PFKP: variants seen among roughly 807,000 people sequenced by gnomAD.
PFKP encodes phosphofructokinase, platelet, also known as ATP-dependent 6-phosphofructokinase, platelet type.
A neutral mutation model predicts 94.3 loss-of-function variants in PFKP; 101 were observed. That is an observed-to-expected ratio of 1.07 (90% CI 0.91 to 1.26). The LOEUF is 1.26. PFKP is among the 50% of genes most tolerant of loss of function. The probability of loss-of-function intolerance (pLI) is 0.00; values close to 1 mark genes in which losing one functional copy is unlikely to be tolerated. For synonymous variants in PFKP, 573 were observed against 432.6 expected (o/e 1.32, Z -4.03); for missense variants, 1,145 against 1,103.3 (o/e 1.04, Z -0.53).
At chr10:3,090,599 TTCTC>T (rs1319880651) in intron 2 of PFKP, among the ~76,000 whole-genome samples, 5 of 151,958 alleles carry the variant, frequency 3.3e-5, no homozygotes, top group Non-Finnish European at 7.4e-5. Flanking sequence ...CAGGCTGGGC[TTCTC>T]TCTGAGTGTC....
intron 2 of PFKP, among the ~76,000 whole-genome samples, chr10:3,091,984 A>G (rs1400923744): frequency 1.3e-5 from 2 of 152,182 alleles, no homozygotes; most frequent in African/African-American, 2.4e-5. Context: ...AAGGTGTCAG[A>G]TAAGTGATGC....
At chr10:3,109,620 C>T (rs996559330) in intron 10 of PFKP, 140 bp downstream of exon 10, 12 of 1,021,812 alleles carry the variant, frequency 1.2e-5, no homozygotes, top group African/African-American at 1.6e-5. Context: ...GTGAGCTGCC[C>T]GTGGGGAGGG....
intron 16 of PFKP, among the ~76,000 whole-genome samples, chr10:3,120,867 G>T (rs981749731): frequency 6.6e-6 from 1 of 152,032 alleles, no homozygotes; most frequent in Non-Finnish European, 1.5e-5. Context: ...TGTCACGCTT[G>T]GTAATTGATG....
chr10:3,110,497 T>C (rs945344085), intron 10 of PFKP, among the ~76,000 whole-genome samples: 4 of 151,270 alleles, frequency 2.6e-5, no homozygotes. Context: ...ATTACAGGCA[T>C]GAGCCACCAC....
rs1332851038 is a variant in PFKP, at chr10:3,101,395, CAGGCCTTCCGCACGCGGGA to C, written c.301_319del (p.Phe101AlafsTer2). ...GACGATCATTGGCAGTGCGCGGTGC[CAGGCCTTCCGCACGCGGGA>C]AGGCCGCCTGAAGGCTGCTTGCAAC... is the stretch of plus-strand genomic sequence containing the variant. On this transcript the variant is annotated frameshift_variant, in exon 4 of 22. Coordinates refer to ENST00000381125, the MANE Select transcript of PFKP (RefSeq NM_002627.5). LOFTEE classifies it high-confidence loss of function. The C allele has an allele frequency of 6.3e-7, 1 of 1,599,498 alleles. No individual in the cohort carries two copies. Among genetic ancestry groups the C allele is most frequent in the Admixed American group, 1.7e-5 (1 of 58,008 alleles).
rs1018334252 is a variant in PFKP, at chr10:3,116,927, C to T, written c.1442+81C>T. ...GTTCTGGGAGAGAATCGCTGGGTGC[C>T]GACGCCAGTTGGATTCCTGGAAAGG... On this transcript the variant is annotated intron_variant, in intron 14 of 21. Transcript: ENST00000381125. 6.2e-5 allele frequency: 69 copies of T among 1,109,394 alleles called. 1 individual carries two copies. Among genetic ancestry groups the T allele is most frequent in the Admixed American group, 2.0e-4 (12 of 59,170 alleles). 68.7% of individuals were successfully genotyped at this position (1,109,394 alleles called of 1,614,324 possible). A position where few individuals can be genotyped will look rare whatever the true frequency, so the allele number is the denominator to read the frequency against.
chr10:3,102,250 C>A (rs1186275065), intron 4 of PFKP, among the ~76,000 whole-genome samples: 1,214 of 54,748 alleles, frequency 0.022, no homozygotes, highest in Middle Eastern at 0.025. Context: ...GACTCTGTCT[C>A]AAAAAAAAAA....
At chr10:3,081,362 G>T (rs1833062407) in intron 1 of PFKP, among the ~76,000 whole-genome samples, 1 of 152,224 alleles carries the variant, frequency 6.6e-6, no homozygotes, top group Non-Finnish European at 1.5e-5. Flanking sequence ...TTCATTTGTG[G>T]TTTATTGACT....
At chr10:3,074,515 T>C (rs1279721295) in intron 1 of PFKP, among the ~76,000 whole-genome samples, 1 of 152,034 alleles carries the variant, frequency 6.6e-6, no homozygotes, top group South Asian at 2.1e-4. Context: ...GCCACAAGTT[T>C]AGGGTATCAC....
intron 1 of PFKP, chr10:3,069,486 C>G: frequency 8.9e-7 from 1 of 1,123,356 alleles, no homozygotes; most frequent in South Asian, 1.5e-5. Context: ...GTGACCTTAC[C>G]TGGGCCGCGA....
intron 19 of PFKP, among the ~76,000 whole-genome samples, chr10:3,133,912 C>CT (rs1838898439): frequency 6.6e-6 from 1 of 152,126 alleles, no homozygotes; most frequent in African/African-American, 2.4e-5. Flanking sequence ...TGGAGCTTCC[C>CT]TAAGATTTAA....
intron 16 of PFKP, among the ~76,000 whole-genome samples, chr10:3,121,803 C>CATTTTTTTTTTTTTTT (rs1837440344): frequency 3.1e-5 from 1 of 32,624 alleles, no homozygotes; most frequent in Non-Finnish European, 5.9e-5. Context: ...CTTTTTTTTT[C>CATTTTTTTTTTTTTTT]TTTTTTTTTT....
intron 16 of PFKP, 111 bp from the exon 17 acceptor site, chr10:3,129,708 A>G: frequency 8.8e-7 from 1 of 1,136,210 alleles, no homozygotes; most frequent in Non-Finnish European, 1.3e-6. Flanking sequence ...CTGGGACCGC[A>G]TGTTTGGGCG....
At chr10:3,110,668 AT>A in intron 10 of PFKP, among the ~76,000 whole-genome samples, 1 of 152,156 alleles carries the variant, frequency 6.6e-6, no homozygotes, top group Middle Eastern at 3.4e-3. Context: ...AGAAAATAGT[AT>A]TTGTGTGTAT....
At chr10:3,090,250 C>T (rs1639407608) in intron 2 of PFKP, among the ~76,000 whole-genome samples, 1 of 152,186 alleles carries the variant, frequency 6.6e-6, no homozygotes, top group Admixed American at 6.5e-5. Context: ...GCCTGCCTCT[C>T]AGACCTGGGT....
intron 3 of PFKP, among the ~76,000 whole-genome samples, chr10:3,100,086 A>AAGT (rs1564296464): frequency 2.2e-4 from 30 of 139,270 alleles, no homozygotes; most frequent in Admixed American, 4.2e-4. Context: ...TGTGTGTGTG[A>AAGT]AAGAGAGTGA....
At chr10:3,104,626 C>T (rs147705766) in intron 5 of PFKP, 116 of 207,606 alleles carry the variant, frequency 5.6e-4, no homozygotes, top group African/African-American at 2.2e-3. Context: ...GGAAAATCAC[C>T]GAGTTGGAAG....
chr10:3,128,269 C>G (rs1253037153), intron 16 of PFKP, among the ~76,000 whole-genome samples: 1 of 152,180 alleles, frequency 6.6e-6, no homozygotes, highest in African/African-American at 2.4e-5. Context: ...AAGATCCTCC[C>G]AAGTCAAATA....
intron 2 of PFKP, among the ~76,000 whole-genome samples, chr10:3,096,330 T>C (rs536790254): frequency 6.6e-6 from 1 of 152,272 alleles, no homozygotes; most frequent in African/African-American, 2.4e-5. Context: ...GGCATCCTCT[T>C]CAGCAGGGTG....
Sources: gnomAD v4.1 joint callset for allele counts (sites outside exome capture counted in the v4.1 genomes callset) on GRCh38, gnomAD v4.1.1 for gene constraint, MANE v1.5 for transcripts, NCBI Gene and HGNC (gene_info 2026-07-23, HGNC 2026-07-21) for gene names.